Variants in C21orf58 observed in about 807,000 individuals in gnomAD.
The protein encoded by C21orf58 is uncharacterized protein C21orf58.
C21orf58 carries 34 observed loss-of-function variants against 35.8 expected under a neutral mutation model. The observed-to-expected ratio is 0.95, with a 90% confidence interval of 0.72 to 1.26. The LOEUF is 1.26. Ranked by LOEUF, C21orf58 falls within the 50% of genes most tolerant of loss-of-function variation. The pLI, the probability that C21orf58 is intolerant of heterozygous loss-of-function variation, is 0.00. For synonymous variants in C21orf58, 191 were observed against 175.8 expected, an observed-to-expected ratio of 1.09 and a Z score of -0.68; for missense variants, 440 against 414.3, an observed-to-expected ratio of 1.06 and a Z score of -0.54.
chr21:46,318,698 A>G lies in C21orf58; in HGVS notation c.101-478T>C. 3 of 1,047,342 alleles carry G rather than the reference A, an allele frequency of 2.9e-6. No homozygotes were observed. In the South Asian group the frequency reaches 9.8e-5, roughly 34 times the overall value. The allele number at this position is 1,047,342 out of a possible 1,614,324, so 64.9% of individuals were successfully genotyped here. On this transcript the variant is annotated intron_variant, in intron 1 of 7. Coordinates refer to ENST00000291691, the MANE Select transcript of C21orf58 (RefSeq NM_058180.5). ...GAGTTCAGGAAATTGCAGGCAGCAG[A>G]AGGGGTAGGACAGAGGAGGGGTTGT...
intron 1 of C21orf58, among the ~76,000 whole-genome samples, chr21:46,320,109 A>AT (rs752401484): frequency 3.3e-5 from 5 of 149,896 alleles, no homozygotes; most frequent in South Asian, 2.1e-4. Flanking sequence ...CATCTTATGT[A>AT]TTTTTTTTTG....
chr21:46,317,189 G>T lies in C21orf58; in HGVS notation c.370+19C>A. 6.2e-7 allele frequency: 1 copy of T among 1,606,790 alleles called. No homozygotes were observed. ...TTGCGTCTGTCTGTGCTGGTTCCAA[G>T]CAGCCCAGGGGCTCTCACCTGGCTC... is the stretch of plus-strand genomic sequence containing the variant. On this transcript the variant is annotated intron_variant, in intron 3 of 7. Transcript: ENST00000291691.
chr21:46,318,477 G>A, intron 1 of C21orf58: 3 of 1,381,630 alleles, frequency 2.2e-6, no homozygotes, highest in Non-Finnish European at 1.9e-6. Context: ...AGACCTGGGG[G>A]AAGGGCAGTC....
In C21orf58 at chr21:46,314,900, C is replaced by T. The variant is rs1286487373; in HGVS notation, c.445-20G>A. ...TTGTTCCTGCAAGGCCGATGCAGAG[C>T]TGCTGCACACGGGGACGGGGAGCCC... On this transcript the variant is annotated intron_variant, in intron 4 of 7. Transcript: ENST00000291691. 1 of 1,550,452 alleles carries T rather than the reference C, an allele frequency of 6.4e-7. No individual in the cohort carries two copies. The highest frequency in any genetic ancestry group is 2.4e-5 in the East Asian group (1 of 40,898).
intron 6 of C21orf58, among the ~76,000 whole-genome samples, chr21:46,310,431 A>G (rs2082625401): frequency 6.6e-6 from 1 of 151,492 alleles, no homozygotes; most frequent in Non-Finnish European, 1.5e-5. Context: ...GTGAGCCAAG[A>G]TGGCGCCATT....
chr21:46,304,479 C>T (rs1223008453), intron 6 of C21orf58, among the ~76,000 whole-genome samples: 2 of 151,036 alleles, frequency 1.3e-5, no homozygotes, highest in Admixed American at 6.6e-5. Context: ...GAGTGAGACC[C>T]TGTCTCTTAG....
intron 5 of C21orf58, among the ~76,000 whole-genome samples, chr21:46,312,660 A>G (rs7277438): frequency 0.83 from 127,007 of 152,136 alleles, 53,567 homozygotes; most frequent in African/African-American, 0.89. Flanking sequence ...ATGAGCCACC[A>G]TGCCCGGCCT....
intron 6 of C21orf58, among the ~76,000 whole-genome samples, chr21:46,309,134 C>G (rs1300531003): frequency 6.6e-6 from 1 of 152,066 alleles, no homozygotes; most frequent in African/African-American, 2.4e-5. Flanking sequence ...GTCTGGCCAA[C>G]ATGGCGAAAT....
intron 6 of C21orf58, among the ~76,000 whole-genome samples, chr21:46,308,395 A>G (rs1479958560): frequency 6.6e-6 from 1 of 151,988 alleles, no homozygotes; most frequent in Admixed American, 6.6e-5. Flanking sequence ...CGGGAGGCAG[A>G]GGCCGCGGTG....
intron 1 of C21orf58, 78 bp from the exon 2 acceptor site, chr21:46,318,298 C>T: frequency 3.2e-6 from 5 of 1,570,864 alleles, no homozygotes; most frequent in Non-Finnish European, 4.3e-6. Context: ...CAGCGCTGGG[C>T]GCCGCGTGAC....
At chr21:46,307,260 C>T (rs2082462876) in intron 6 of C21orf58, among the ~76,000 whole-genome samples, 1 of 152,196 alleles carries the variant, frequency 6.6e-6, no homozygotes, top group Non-Finnish European at 1.5e-5. Context: ...GATCTTCCTG[C>T]TTCAGCCTCC....
At chr21:46,320,306 T>C (rs529624705) in intron 1 of C21orf58, among the ~76,000 whole-genome samples, 2 of 152,172 alleles carry the variant, frequency 1.3e-5, no homozygotes, top group East Asian at 3.9e-4. Context: ...TTTCACCATG[T>C]TGGCCAGACT....
At position 46,318,195 on chromosome 21, in the gene C21orf58, G is replaced by A. The variant is rs191101662; in HGVS notation, c.126C>T (p.Arg42=). ...CCCAAGCACCGGTGTTGCCTGCAGG[G>A]CGGGCCTTACCTCCTGGAGACCAGC... The part of the protein sequence containing the change: ...LCGWSPGGKA[R]PAGNTGAWAP... Residue 42 remains arginine (R), a synonymous_variant, in exon 2 of 8, where the codon CGC becomes CGT. Coordinates refer to ENST00000291691, the MANE Select transcript of C21orf58 (RefSeq NM_058180.5). The A allele has an allele frequency of 1.2e-6, 2 of 1,612,712 alleles. No homozygotes were observed. The highest frequency in any genetic ancestry group is 2.2e-5 in the East Asian group (1 of 44,880).
Position 46,315,476 on chromosome 21 carries a change from G to A in C21orf58, c.442C>T (p.Arg148Trp), listed in dbSNP as rs140707382. The change falls in exon 4 of 8, where the codon CGG (arginine) becomes TGG (tryptophan). Residue 148 changes from arginine (R) to tryptophan (W), a missense_variant and splice_region_variant. Transcript: ENST00000291691. ...KRRRDLLQRLREQHLLDELSR... is the reference protein window; with the variant it reads ...KRRRDLLQRLWEQHLLDELSR... ...CGCTCAGAGGGTGCAGGGCCTACCCGGAGTCTCTGCAGAAGGTCCCTCCTT... is the reference window on the plus strand; with the variant it reads ...CGCTCAGAGGGTGCAGGGCCTACCCAGAGTCTCTGCAGAAGGTCCCTCCTT... 3.6e-5 allele frequency: 58 copies of A among 1,595,374 alleles called. No individual in the cohort carries two copies. The highest frequency in any genetic ancestry group is 8.3e-5 in the Admixed American group (5 of 59,970).
intron 6 of C21orf58, 123 bp downstream of exon 6, chr21:46,311,333 A>G: frequency 2.1e-6 from 1 of 467,004 alleles, no homozygotes; most frequent in Non-Finnish European, 3.9e-6. Context: ...TCTTAAAGTT[A>G]AAATTATTTT....
At chr21:46,321,178 A>AT (rs931363851) in intron 1 of C21orf58, among the ~76,000 whole-genome samples, 23 of 151,676 alleles carry the variant, frequency 1.5e-4, no homozygotes, top group South Asian at 1.0e-3. Context: ...ATATATATAT[A>AT]TTTTTTTTGA....
At chr21:46,316,326 C>T (rs762242281) in intron 3 of C21orf58, among the ~76,000 whole-genome samples, 11 of 152,158 alleles carry the variant, frequency 7.2e-5, no homozygotes, top group South Asian at 4.2e-4. Context: ...CATGGTGGAG[C>T]GCACCTGTAA....
At position 46,314,752 on chromosome 21, in the gene C21orf58, C is replaced by T. The variant is rs766961178; in HGVS notation, c.573G>A (p.Pro191=). ...TGATCCTTGGCGGGTCTGGGGCCAGCGGGGATGGGGAGGCAGTGGGTAGGA... is the reference window on the plus strand; with the variant it reads ...TGATCCTTGGCGGGTCTGGGGCCAGTGGGGATGGGGAGGCAGTGGGTAGGA... ...TGILPTASPS[P]LAPDPPRIIL... is the part of the protein sequence containing the mutation. The change falls in exon 5 of 8, where the codon CCG becomes CCA. Residue 191 remains proline (P), a synonymous_variant. Coordinates refer to ENST00000291691, the MANE Select transcript of C21orf58 (RefSeq NM_058180.5). 1.1e-5 allele frequency: 17 copies of T among 1,501,898 alleles called. No individual in the cohort carries two copies. In the East Asian group the frequency reaches 2.2e-4, roughly 20 times the overall value. The allele number at this position is 1,501,898 out of a possible 1,614,324, so 93.0% of individuals were successfully genotyped here. A position where few individuals can be genotyped will look rare whatever the true frequency, so the allele number is the denominator to read the frequency against.
At position 46,301,163 on chromosome 21, in the gene C21orf58, A is replaced by G; in HGVS notation, c.*836T>C. The G allele has an allele frequency of 1.3e-6, 1 of 799,094 alleles. No homozygotes were observed. Among genetic ancestry groups the G allele is most frequent in the South Asian group, 5.3e-5 (1 of 18,772 alleles). The allele number at this position is 799,094 out of a possible 1,614,324, so 49.5% of individuals were successfully genotyped here. ...TTCACTTTTTTATTTTATTTTTGAG[A>G]CAGGGGCCTGCTCTGTGGTCCAGGC... On this transcript the variant is annotated 3_prime_UTR_variant, in exon 8 of 8. Coordinates refer to ENST00000291691, the MANE Select transcript of C21orf58 (RefSeq NM_058180.5).
Sources: allele counts gnomAD v4.1 joint callset (sites outside exome capture counted in the v4.1 genomes callset), GRCh38; gene constraint gnomAD v4.1.1; transcripts MANE v1.5; gene names NCBI Gene and HGNC (gene_info 2026-07-23, HGNC 2026-07-21).